The following KNTC1 variants were observed in gnomAD, a reference collection of about 807,000 sequenced individuals.
KNTC1 encodes kinetochore associated 1, also known as kinetochore-associated protein 1.
KNTC1 carries 253 observed loss-of-function variants against 314.4 expected under a neutral mutation model. That is an observed-to-expected ratio of 0.80 (90% CI 0.73 to 0.89). KNTC1 has a LOEUF of 0.89. KNTC1 is among the 40% of genes least tolerant of loss of function. KNTC1 has a pLI of 0.00. For missense variants in KNTC1, 2,475 were observed against 2,572.9 expected (o/e 0.96, Z 0.82); for synonymous variants, 901 against 901.4 (o/e 1.00, Z 0.01).
chr12:122,599,504 A>G (rs1871542432), intron 44 of KNTC1, among the ~76,000 whole-genome samples: 1 of 151,792 alleles, frequency 6.6e-6, no homozygotes, highest in Non-Finnish European at 1.5e-5. Context: ...GGCATGCGCC[A>G]CCACGTCCAG....
chr12:122,569,146 A>T (rs1430202415), intron 21 of KNTC1, among the ~76,000 whole-genome samples: 1 of 152,210 alleles, frequency 6.6e-6, no homozygotes, highest in Non-Finnish European at 1.5e-5. Context: ...ATACCACTGA[A>T]CTTAAAAGTT....
rs1964878906 is a variant in KNTC1, at chr12:122,574,204, C to T, written c.2284-78C>T. Reference sequence around the variant, plus strand: ...CACATCTATCAAGGCCATATAATATCTGTATCTAGCTGTATGTGGCATTTT... The same window carrying T: ...CACATCTATCAAGGCCATATAATATTTGTATCTAGCTGTATGTGGCATTTT... On this transcript the variant is annotated intron_variant, in intron 26 of 63. Coordinates refer to ENST00000333479, the MANE Select transcript of KNTC1 (RefSeq NM_014708.6). 3 of 735,658 alleles carry T rather than the reference C, an allele frequency of 4.1e-6. No homozygotes were observed. The South Asian group carries it at 5.2e-5, about 13-fold the overall frequency. 45.6% of individuals were successfully genotyped at this position (735,658 alleles called of 1,614,324 possible). A position where few individuals can be genotyped will look rare whatever the true frequency, so the allele number is the denominator to read the frequency against.
chr12:122,615,017 T>C lies in KNTC1; in HGVS notation c.5904T>C (p.Cys1968=), dbSNP rs115447517. ...CAGTAAGATTGGTGACTGAGCTGTG[T>C]TTAGAATACAAAATCTATGACCTGC... ...SMAVRLVTEL[C]LEYKIYDLQL... is the part of the protein sequence containing the mutation. Residue 1968 remains cysteine (C), a synonymous_variant, in exon 56 of 64, where the codon TGT becomes TGC. Coordinates refer to ENST00000333479, the MANE Select transcript of KNTC1 (RefSeq NM_014708.6). 2,469 of 1,613,440 alleles carry C rather than the reference T, an allele frequency of 1.5e-3. 32 individuals are homozygous for C. In the African/African-American group the frequency reaches 0.029, roughly 19 times the overall value.
chr12:122,596,106 G>C (rs1318820803), intron 43 of KNTC1, among the ~76,000 whole-genome samples: 5 of 121,574 alleles, frequency 4.1e-5, no homozygotes, highest in Admixed American at 2.9e-4. Context: ...TTTTTGAGAC[G>C]GAGTCTCGCT....
At chr12:122,620,428 TA>T in intron 59 of KNTC1, 50 bp from the exon 60 acceptor site, 1 of 1,564,106 alleles carries the variant, frequency 6.4e-7, no homozygotes, top group Non-Finnish European at 8.7e-7. Flanking sequence ...AAGGCCAATA[TA>T]ATCTAGTGAA....
At position 122,587,702 on chromosome 12, in the gene KNTC1, ACT is replaced by A; in HGVS notation, c.3731-6_3731-5del. 3.8e-6 allele frequency: 6 copies of A among 1,592,148 alleles called. No individual in the cohort carries two copies. The highest frequency in any genetic ancestry group is 5.1e-6 in the Non-Finnish European group (6 of 1,171,512). On this transcript the variant is annotated splice_region_variant and splice_polypyrimidine_tract_variant and intron_variant, in intron 38 of 63. Coordinates refer to ENST00000333479, the MANE Select transcript of KNTC1 (RefSeq NM_014708.6). ...AATCTAAATATTAAAATCCTTTATCACTCTGCAGGAGATGGCCTTGTTTTACC... is the reference window on the plus strand; with the variant it reads ...AATCTAAATATTAAAATCCTTTATCACTGCAGGAGATGGCCTTGTTTTACC...
intron 16 of KNTC1, among the ~76,000 whole-genome samples, chr12:122,556,917 CTTTTTTTTTTTTTT>C (rs35101646): frequency 1.1e-5 from 1 of 88,290 alleles, no homozygotes; most frequent in Non-Finnish European, 2.1e-5. Flanking sequence ...AATTTTCCCT[CTTTTTTTTTTTTTT>C]TTTTTTTTTA....
At chr12:122,617,690 C>T (rs1479049893) in intron 57 of KNTC1, among the ~76,000 whole-genome samples, 1 of 152,120 alleles carries the variant, frequency 6.6e-6, no homozygotes, top group Non-Finnish European at 1.5e-5. Context: ...TAATGAGATC[C>T]TGAAAGATAC....
intron 52 of KNTC1, 22 bp from the exon 53 acceptor site, chr12:122,610,800 G>C: frequency 6.6e-7 from 1 of 1,503,838 alleles, no homozygotes; most frequent in Admixed American, 1.7e-5. Context: ...AAAAATGACT[G>C]TAATTAAAAT....
chr12:122,575,454 TG>T (rs1158900668), intron 27 of KNTC1, 88 bp from the exon 28 acceptor site: 28 of 804,906 alleles, frequency 3.5e-5, no homozygotes, highest in Middle Eastern at 3.2e-4. Flanking sequence ...ATGTGGTTGA[TG>T]TAAGACCTGC....
intron 3 of KNTC1, among the ~76,000 whole-genome samples, chr12:122,538,073 G>A (rs1489417521): frequency 1.3e-5 from 2 of 152,152 alleles, no homozygotes; most frequent in Non-Finnish European, 2.9e-5. Context: ...AGGAAGTCTA[G>A]GGTGCAGTGA....
intron 37 of KNTC1, among the ~76,000 whole-genome samples, chr12:122,586,192 C>T (rs570142506): frequency 2.2e-4 from 33 of 152,320 alleles, no homozygotes; most frequent in Admixed American, 1.6e-3. Flanking sequence ...AAGCAATTAT[C>T]GTGCCTCAGC....
intron 31 of KNTC1, among the ~76,000 whole-genome samples, chr12:122,579,026 T>C (rs1410284514): frequency 5.8e-3 from 6 of 1,032 alleles, no homozygotes; most frequent in Admixed American, 0.013. Context: ...GTCTGTATTC[T>C]TTTTTTTTTT....
At chr12:122,618,259 A>T (rs1249651494) in intron 57 of KNTC1, 84 bp from the exon 58 acceptor site, 1 of 1,198,320 alleles carries the variant, frequency 8.3e-7, no homozygotes, top group East Asian at 2.5e-5. Flanking sequence ...GGTGTGAGCC[A>T]CCGCGCCTGG....
intron 61 of KNTC1, 109 bp from the exon 62 acceptor site, chr12:122,622,353 A>T: frequency 9.5e-7 from 1 of 1,049,020 alleles, no homozygotes; most frequent in Non-Finnish European, 1.4e-6. Flanking sequence ...TCCGATTGTC[A>T]GAAATGTTTT....
chr12:122,614,737 C>T (rs1873583333), intron 55 of KNTC1, among the ~76,000 whole-genome samples: 1 of 151,870 alleles, frequency 6.6e-6, no homozygotes, highest in Non-Finnish European at 1.5e-5. Context: ...AAAAATTATC[C>T]AGGCATGATG....
At chr12:122,536,498 A>G (rs898511354) in intron 3 of KNTC1, among the ~76,000 whole-genome samples, 4 of 150,082 alleles carry the variant, frequency 2.7e-5, no homozygotes, top group Admixed American at 1.3e-4. Flanking sequence ...TTGGGATTAC[A>G]GACGTGAGCC....
chr12:122,555,221 A>G (rs540335589), intron 16 of KNTC1, among the ~76,000 whole-genome samples: 1 of 152,342 alleles, frequency 6.6e-6, no homozygotes, highest in South Asian at 2.1e-4. Flanking sequence ...ATTTAAAAAG[A>G]CAATTCATAT....
chr12:122,545,616 A>G (rs1962698071), intron 8 of KNTC1, among the ~76,000 whole-genome samples: 1 of 152,220 alleles, frequency 6.6e-6, no homozygotes, highest in Non-Finnish European at 1.5e-5. Context: ...TTAAAAGTTC[A>G]CTGCATGTCT....
Sources: allele counts gnomAD v4.1 joint callset (sites outside exome capture counted in the v4.1 genomes callset), GRCh38; gene constraint gnomAD v4.1.1; transcripts MANE v1.5; gene names NCBI Gene and HGNC (gene_info 2026-07-23, HGNC 2026-07-21).